Variants in TRIM2 observed in about 807,000 individuals in gnomAD.
The protein encoded by TRIM2 is tripartite motif containing 2.
A neutral mutation model predicts 75.2 loss-of-function variants in TRIM2; 20 were observed. The ratio of observed to expected loss-of-function variants is 0.27; its 90% CI spans 0.19 to 0.39. The LOEUF (loss-of-function observed/expected upper bound fraction) is 0.39. TRIM2 is among the 10% of genes least tolerant of loss of function. The pLI is 1.00. For missense variants in TRIM2, 660 were observed against 990.8 expected (o/e 0.67, Z 4.48); for synonymous variants, 373 against 388.3 (o/e 0.96, Z 0.46).
At chr4:153,175,610 A>G (rs1731355678) in intron 1 of TRIM2, among the ~76,000 whole-genome samples, 1 of 152,172 alleles carries the variant, frequency 6.6e-6, no homozygotes, top group Non-Finnish European at 1.5e-5. Flanking sequence ...AGGAGGTCAA[A>G]GTGGCAATAG....
intron 1 of TRIM2, among the ~76,000 whole-genome samples, chr4:153,227,342 C>A (rs568269239): frequency 6.6e-6 from 1 of 152,116 alleles, no homozygotes; most frequent in East Asian, 1.9e-4. Flanking sequence ...CCCTGGGTAG[C>A]GCCAAAATAA....
chr4:153,222,518 GT>G (rs918659117), intron 1 of TRIM2: 10 of 152,298 alleles, frequency 6.6e-5, no homozygotes, highest in African/African-American at 2.4e-4. Flanking sequence ...ACCAACTTGC[GT>G]GTTTGTTTTC....
chr4:153,258,492 A>G (rs1313018312), intron 1 of TRIM2, among the ~76,000 whole-genome samples: 1 of 152,106 alleles, frequency 6.6e-6, no homozygotes, highest in Non-Finnish European at 1.5e-5. Flanking sequence ...TTTTTCTACA[A>G]GTATGCCCCA....
intron 1 of TRIM2, among the ~76,000 whole-genome samples, chr4:153,171,490 G>A (rs1417896654): frequency 1.3e-5 from 2 of 152,176 alleles, no homozygotes; most frequent in African/African-American, 2.4e-5. Flanking sequence ...GGAGGCTGAG[G>A]CAGAAGAATC....
At chr4:153,308,377 C>T (rs1560989366) in intron 6 of TRIM2, 1 of 979,858 alleles carries the variant, frequency 1.0e-6, no homozygotes, top group Non-Finnish European at 1.7e-6. Flanking sequence ...CAGATGATCT[C>T]AATGAGGGAG....
At chr4:153,263,363 G>A (rs766567117) in intron 1 of TRIM2, among the ~76,000 whole-genome samples, 1 of 152,138 alleles carries the variant, frequency 6.6e-6, no homozygotes, top group African/African-American at 2.4e-5. Context: ...ACATTGGGAA[G>A]CAGGTAATGT....
chr4:153,207,055 A>G (rs774367615), intron 1 of TRIM2, among the ~76,000 whole-genome samples: 13 of 152,068 alleles, frequency 8.5e-5, no homozygotes, highest in Non-Finnish European at 1.5e-4. Context: ...ATGCCCAGCC[A>G]ATTGCAAGGA....
chr4:153,154,430 T>C (rs1729030998), intron 1 of TRIM2, among the ~76,000 whole-genome samples: 2 of 152,226 alleles, frequency 1.3e-5, no homozygotes, highest in Non-Finnish European at 2.9e-5. Flanking sequence ...CTACTTAAAC[T>C]TTCCAGGTCT....
chr4:153,244,347 T>TC lies in TRIM2; in HGVS notation c.31-25987dup, dbSNP rs1560874139. The stretch of plus-strand genomic sequence containing the variant: ...TTCTTCTTCTTCTTCTTCTTCTTCT[T>TC]CTTCTTCCTCTTCTTCTTCTTCTTC... On this transcript the variant is annotated intron_variant, in intron 1 of 11. Coordinates refer to ENST00000338700, the MANE Select transcript of TRIM2 (RefSeq NM_015271.5). 1.4e-4 allele frequency among the ~76,000 whole-genome samples: 5 copies of TC among 34,914 alleles called. No homozygotes were observed. In the East Asian group the frequency reaches 1.6e-3, roughly 11 times the overall value. 22.9% of individuals were successfully genotyped at this position (34,914 alleles called of 152,430 possible). A position where few individuals can be genotyped will look rare whatever the true frequency, so the allele number is the denominator to read the frequency against.
chr4:153,316,091 G>A (rs909128149), intron 8 of TRIM2, 92 bp downstream of exon 8: 75 of 1,236,318 alleles, frequency 6.1e-5, no homozygotes, highest in Non-Finnish European at 7.6e-5. Flanking sequence ...GAGATGCAGT[G>A]CAACATTCAA....
chr4:153,305,327 C>A (rs1764747872), intron 6 of TRIM2, among the ~76,000 whole-genome samples: 1 of 152,154 alleles, frequency 6.6e-6, no homozygotes, highest in South Asian at 2.1e-4. Context: ...AAGCTTGGAA[C>A]AATGCCTGGA....
intron 1 of TRIM2, among the ~76,000 whole-genome samples, chr4:153,240,715 A>G (rs561695172): frequency 6.6e-6 from 1 of 152,364 alleles, no homozygotes; most frequent in South Asian, 2.1e-4. Flanking sequence ...CAATAACCAT[A>G]TAACCATGTA....
chr4:153,231,483 A>C (rs1399832038), intron 1 of TRIM2, among the ~76,000 whole-genome samples: 1 of 152,192 alleles, frequency 6.6e-6, no homozygotes, highest in Non-Finnish European at 1.5e-5. Flanking sequence ...CAACCCAAGC[A>C]AAGGTGGAGA....
chr4:153,235,041 C>T (rs1369663728), intron 1 of TRIM2, among the ~76,000 whole-genome samples: 1 of 152,216 alleles, frequency 6.6e-6, no homozygotes, highest in East Asian at 1.9e-4. Flanking sequence ...CCTCCACTAA[C>T]ACACATATGT....
At chr4:153,257,430 A>G in intron 1 of TRIM2, 1 of 1,196,102 alleles carries the variant, frequency 8.4e-7, no homozygotes, top group Non-Finnish European at 1.1e-6. Flanking sequence ...ATCAAGACCG[A>G]TTGGTGTGAA....
chr4:153,300,741 T>C (rs1206916553), intron 6 of TRIM2, among the ~76,000 whole-genome samples: 3 of 152,056 alleles, frequency 2.0e-5, no homozygotes, highest in Non-Finnish European at 2.9e-5. Flanking sequence ...GCCAGGATGG[T>C]CTTGATCTCT....
intron 1 of TRIM2, among the ~76,000 whole-genome samples, chr4:153,179,996 A>T (rs1731884884): frequency 6.6e-6 from 1 of 152,214 alleles, no homozygotes. Flanking sequence ...AAACCATGTC[A>T]AGTTATCAGA....
intron 1 of TRIM2, among the ~76,000 whole-genome samples, chr4:153,229,936 A>G (rs1743165437): frequency 6.6e-6 from 1 of 152,140 alleles, no homozygotes; most frequent in Admixed American, 6.5e-5. Context: ...AGGTCTTTCT[A>G]CCTCTGCAGA....
intron 3 of TRIM2, among the ~76,000 whole-genome samples, chr4:153,283,013 C>T (rs1759715225): frequency 2.6e-5 from 4 of 151,970 alleles, no homozygotes; most frequent in Admixed American, 2.6e-4. Context: ...AACTCCTAGG[C>T]TCAAAGGATC....
Sources: allele counts gnomAD v4.1 joint callset (sites outside exome capture counted in the v4.1 genomes callset), GRCh38; gene constraint gnomAD v4.1.1; transcripts MANE v1.5; gene names NCBI Gene and HGNC (gene_info 2026-07-23, HGNC 2026-07-21).